Variants in ZC2HC1A observed in about 807,000 individuals in gnomAD.
ZC2HC1A encodes the protein zinc finger C2HC domain-containing protein 1A.
ZC2HC1A carries 28 observed loss-of-function variants against 40.7 expected under a neutral mutation model. The observed-to-expected ratio is 0.69, with a 90% confidence interval of 0.51 to 0.94. The LOEUF (loss-of-function observed/expected upper bound fraction) is 0.94. Among genes scored for constraint, ZC2HC1A ranks in the 40% least tolerant of loss-of-function variants. The pLI, the probability that ZC2HC1A is intolerant of heterozygous loss-of-function variation, is 0.00. For missense variants in ZC2HC1A, 389 were observed against 386.3 expected, an observed-to-expected ratio of 1.01 and a Z score of -0.06; for synonymous variants, 129 against 129.2, an observed-to-expected ratio of 1.00 and a Z score of 0.01.
intron 1 of ZC2HC1A, among the ~76,000 whole-genome samples, chr8:78,666,686 G>A (rs891423096): frequency 5.9e-5 from 9 of 152,182 alleles, no homozygotes; most frequent in Non-Finnish European, 1.5e-5. Flanking sequence ...GGATGTCAGA[G>A]CATCTCCTAA....
chr8:78,672,259 G>A (rs1003938780), intron 1 of ZC2HC1A, among the ~76,000 whole-genome samples: 1 of 151,844 alleles, frequency 6.6e-6, no homozygotes, highest in African/African-American at 2.4e-5. Flanking sequence ...TTATATCCAG[G>A]CACATGATGA....
intron 1 of ZC2HC1A, among the ~76,000 whole-genome samples, chr8:78,670,827 G>T (rs1006302945): frequency 1.5e-4 from 23 of 152,176 alleles, no homozygotes; most frequent in African/African-American, 5.3e-4. Context: ...GATGAAGGTT[G>T]TGTGTTGAGT....
intron 3 of ZC2HC1A, among the ~76,000 whole-genome samples, chr8:78,684,751 C>G (rs2130476476): frequency 6.6e-6 from 1 of 152,204 alleles, no homozygotes; most frequent in East Asian, 1.9e-4. Context: ...AAAGGACCCT[C>G]TGCAAAAGAA....
chr8:78,689,628 G>A (rs1174774756), intron 5 of ZC2HC1A, among the ~76,000 whole-genome samples: 2 of 151,718 alleles, frequency 1.3e-5, no homozygotes, highest in African/African-American at 4.8e-5. Flanking sequence ...AGCACGTTTT[G>A]TATATATAAA....
intron 6 of ZC2HC1A, 99 bp from the exon 7 acceptor site, chr8:78,698,315 G>C (rs1586013141): frequency 1.0e-6 from 1 of 977,030 alleles, no homozygotes; most frequent in East Asian, 2.8e-5. Context: ...ATTTATAGTT[G>C]CAAAGATTAT....
chr8:78,669,968 TTTC>T (rs1352358777), intron 1 of ZC2HC1A, among the ~76,000 whole-genome samples: 6 of 10,986 alleles, frequency 5.5e-4, no homozygotes, highest in African/African-American at 1.1e-3. Flanking sequence ...TCTTTCTTTC[TTTC>T]TTTTTTTTTT....
At chr8:78,692,708 C>T (rs1357050770) in intron 5 of ZC2HC1A, among the ~76,000 whole-genome samples, 1 of 151,930 alleles carries the variant, frequency 6.6e-6, no homozygotes, top group Non-Finnish European at 1.5e-5. Flanking sequence ...TTCACCCCTC[C>T]AACATTGAGC....
intron 7 of ZC2HC1A, among the ~76,000 whole-genome samples, chr8:78,709,050 T>A (rs1377519506): frequency 6.6e-6 from 1 of 152,194 alleles, no homozygotes; most frequent in African/African-American, 2.4e-5. Flanking sequence ...CCATTTGAAT[T>A]GTTCCCTAGA....
At position 78,717,395 on chromosome 8, in the gene ZC2HC1A, G is replaced by A; in HGVS notation, c.880G>A (p.Gly294Arg). The A allele has an allele frequency of 6.2e-7, 1 of 1,613,580 alleles. No homozygotes were observed. The highest frequency in any genetic ancestry group is 8.5e-7 in the Non-Finnish European group (1 of 1,179,858). Residue 294 changes from glycine to arginine, a missense_variant, in exon 9 of 9, where the codon GGA (glycine) becomes AGA (arginine). Transcript: ENST00000263849. ...TAAAGGCATTGAAGGACATTCACCT[G>A]GAAACTTACCAAAATTCTGCCATGA... is the stretch of plus-strand genomic sequence containing the variant. The part of the protein sequence containing the change: ...NIKGIEGHSP[G>R]NLPKFCHECG...
intron 7 of ZC2HC1A, 91 bp from the exon 8 acceptor site, chr8:78,715,130 T>G (rs772571841): frequency 1.8e-6 from 2 of 1,112,194 alleles, no homozygotes; most frequent in Middle Eastern, 2.1e-4. Flanking sequence ...CTGAAGCTTC[T>G]AAGTATTCTT....
rs1301908806 is a variant in ZC2HC1A, at chr8:78,698,431, G to C, written c.622G>C (p.Val208Leu). 1.2e-6 allele frequency: 2 copies of C among 1,612,418 alleles called. No homozygotes were observed. Among genetic ancestry groups the C allele is most frequent in the South Asian group, 2.2e-5 (2 of 90,732 alleles). ...ATTATAAGGTGTTCCTTCAGGTAAA[G>C]TGTCTTCAAGTAGCAGCTCTTTGGG... ...KTVVGVPSGK[V>L]SSSSSSLGNK... Residue 208 changes from valine (V) to leucine (L), a missense_variant, in exon 7 of 9, where the codon GTG becomes CTG. Val to Leu is a conservative substitution (Grantham distance 32, BLOSUM62 1). Transcript: ENST00000263849.
At chr8:78,670,795 A>G (rs1185282055) in intron 1 of ZC2HC1A, among the ~76,000 whole-genome samples, 1 of 152,206 alleles carries the variant, frequency 6.6e-6, no homozygotes, top group Non-Finnish European at 1.5e-5. Context: ...ACTAGAGTGT[A>G]GGTGACTAAA....
chr8:78,691,497 T>TAA (rs2130512848), intron 5 of ZC2HC1A, among the ~76,000 whole-genome samples: 1 of 152,214 alleles, frequency 6.6e-6, no homozygotes, highest in East Asian at 1.9e-4. Flanking sequence ...TATAATTGGT[T>TAA]TTTGTATTTC....
intron 1 of ZC2HC1A, among the ~76,000 whole-genome samples, chr8:78,672,017 GA>G (rs1809448122): frequency 6.6e-6 from 1 of 152,198 alleles, no homozygotes; most frequent in Non-Finnish European, 1.5e-5. Context: ...CTAAACCTTA[GA>G]GAGCTTAAGT....
chr8:78,708,878 C>T (rs1810868459), intron 7 of ZC2HC1A, among the ~76,000 whole-genome samples: 1 of 152,034 alleles, frequency 6.6e-6, no homozygotes, highest in Non-Finnish European at 1.5e-5. Flanking sequence ...CCATGTTAGG[C>T]TGGTCTCAAA....
intron 4 of ZC2HC1A, among the ~76,000 whole-genome samples, chr8:78,688,600 A>G (rs1257827625): frequency 6.6e-6 from 1 of 152,164 alleles, no homozygotes; most frequent in Non-Finnish European, 1.5e-5. Flanking sequence ...GAATAATTTC[A>G]AAAGAAGTTT....
At chr8:78,692,882 T>C (rs1163950003) in intron 5 of ZC2HC1A, among the ~76,000 whole-genome samples, 3 of 151,720 alleles carry the variant, frequency 2.0e-5, no homozygotes, top group African/African-American at 4.8e-5. Flanking sequence ...CCCTCCCCAC[T>C]CCCCCCACCC....
intron 5 of ZC2HC1A, among the ~76,000 whole-genome samples, chr8:78,692,500 A>G (rs901047438): frequency 6.6e-6 from 1 of 152,190 alleles, no homozygotes; most frequent in African/African-American, 2.4e-5. Flanking sequence ...TAGACATGAC[A>G]TGGTAGGTAA....
At chr8:78,717,156 T>G (rs1336562522) in intron 8 of ZC2HC1A, among the ~76,000 whole-genome samples, 172 bp from the exon 9 acceptor site, 1 of 152,008 alleles carries the variant, frequency 6.6e-6, no homozygotes, top group East Asian at 1.9e-4. Flanking sequence ...TAAAAAAAAA[T>G]GTTAGAATTT....
Sources: gnomAD v4.1 joint callset for allele counts (sites outside exome capture counted in the v4.1 genomes callset) on GRCh38, gnomAD v4.1.1 for gene constraint, MANE v1.5 for transcripts, NCBI Gene and HGNC (gene_info 2026-07-23, HGNC 2026-07-21) for gene names.